DPYSL3: variants seen among roughly 807,000 people sequenced by gnomAD.
DPYSL3 encodes the protein dihydropyrimidinase like 3, also known as dihydropyrimidinase-related protein 3.
DPYSL3 carries 16 observed loss-of-function variants against 66.1 expected under a neutral mutation model. The observed-to-expected ratio is 0.24, with a 90% CI of 0.16 to 0.37. The LOEUF is 0.37. Ranked by LOEUF, DPYSL3 falls within the 10% of genes least tolerant of loss-of-function variation. The pLI is 1.00. For synonymous variants in DPYSL3, 338 were observed against 345.1 expected, an observed-to-expected ratio of 0.98 and a Z score of 0.23; for missense variants, 738 against 916.2, an observed-to-expected ratio of 0.81 and a Z score of 2.51.
At chr5:147,456,734 G>A (rs1264338509) in intron 1 of DPYSL3, among the ~76,000 whole-genome samples, 1 of 151,718 alleles carries the variant, frequency 6.6e-6, no homozygotes, top group Non-Finnish European at 1.5e-5. Context: ...GGCATTACAG[G>A]TGTCTGCCAC....
At chr5:147,499,782 C>T (rs557583587) in intron 1 of DPYSL3, among the ~76,000 whole-genome samples, 132 of 152,260 alleles carry the variant, frequency 8.7e-4, no homozygotes, top group Non-Finnish European at 1.5e-4. Flanking sequence ...AGAGGACTGA[C>T]AGTACCAACT....
chr5:147,487,976 A>C (rs1753361264), intron 1 of DPYSL3, among the ~76,000 whole-genome samples: 1 of 152,188 alleles, frequency 6.6e-6, no homozygotes, highest in South Asian at 2.1e-4. Context: ...GTGTCTCTGG[A>C]TATAGTCTTC....
At chr5:147,415,002 A>G (rs1254656543) in intron 4 of DPYSL3, among the ~76,000 whole-genome samples, 2 of 152,150 alleles carry the variant, frequency 1.3e-5, no homozygotes, top group Non-Finnish European at 2.9e-5. Context: ...TGCTGAGCAC[A>G]TTGTGCATAT....
chr5:147,501,478 ATTTTTTTTTTTTT>A (rs749216433), intron 1 of DPYSL3, among the ~76,000 whole-genome samples: 3 of 91,082 alleles, frequency 3.3e-5, no homozygotes, highest in Non-Finnish European at 2.0e-5. Flanking sequence ...GGTGATAATG[ATTTTTTTTTTTTT>A]TTTTTTTTTT....
At chr5:147,490,064 A>G (rs1347474968) in intron 1 of DPYSL3, among the ~76,000 whole-genome samples, 1 of 152,034 alleles carries the variant, frequency 6.6e-6, no homozygotes, top group Non-Finnish European at 1.5e-5. Context: ...TGGCCCCTGC[A>G]CCCCATCTAC....
chr5:147,489,725 CCTTTT>C (rs558392957), intron 1 of DPYSL3, among the ~76,000 whole-genome samples: 173 of 146,956 alleles, frequency 1.2e-3, no homozygotes, highest in African/African-American at 4.2e-3. Context: ...AGCGTTCTTT[CCTTTT>C]ATGTTTTTTT....
intron 11 of DPYSL3, among the ~76,000 whole-genome samples, chr5:147,398,087 A>G (rs1324416129): frequency 6.6e-6 from 1 of 152,168 alleles, no homozygotes; most frequent in Non-Finnish European, 1.5e-5. Flanking sequence ...GTGGAAGTCA[A>G]CTTTTGTCTT....
intron 1 of DPYSL3, among the ~76,000 whole-genome samples, chr5:147,481,531 C>G (rs966905284): frequency 2.5e-4 from 38 of 152,190 alleles, no homozygotes; most frequent in African/African-American, 8.7e-4. Context: ...CCTCCCAAGT[C>G]TCACAGGGAT....
At chr5:147,464,206 T>G (rs1488274585) in intron 1 of DPYSL3, among the ~76,000 whole-genome samples, 1 of 152,192 alleles carries the variant, frequency 6.6e-6, no homozygotes, top group Non-Finnish European at 1.5e-5. Flanking sequence ...CAGGGTGCAC[T>G]GGACATTTTA....
intron 1 of DPYSL3, among the ~76,000 whole-genome samples, chr5:147,428,639 A>T (rs529616067): frequency 2.1e-4 from 32 of 152,286 alleles, no homozygotes; most frequent in African/African-American, 7.2e-4. Flanking sequence ...AACAAACCCA[A>T]CATCTCTGAT....
At chr5:147,495,026 A>C (rs1045681126) in intron 1 of DPYSL3, among the ~76,000 whole-genome samples, 2 of 152,286 alleles carry the variant, frequency 1.3e-5, no homozygotes, top group Admixed American at 1.3e-4. Flanking sequence ...AAATTTGAAT[A>C]GGTAAGCCTG....
At chr5:147,488,647 T>C (rs1027356520) in intron 1 of DPYSL3, among the ~76,000 whole-genome samples, 3 of 151,980 alleles carry the variant, frequency 2.0e-5, no homozygotes, top group Non-Finnish European at 4.4e-5. Context: ...GCCCAGGAAG[T>C]TGAGGCTGCA....
intron 13 of DPYSL3, 44 bp downstream of exon 13, chr5:147,395,515 C>T: frequency 6.4e-7 from 1 of 1,569,934 alleles, no homozygotes; most frequent in Non-Finnish European, 8.6e-7. Flanking sequence ...ATTGATCTTC[C>T]CCTTCCCCCT....
chr5:147,490,868 T>C (rs913714078), intron 1 of DPYSL3, among the ~76,000 whole-genome samples: 1 of 152,184 alleles, frequency 6.6e-6, no homozygotes, highest in African/African-American at 2.4e-5. Context: ...GATGCAGTCA[T>C]GGCAGCAGCA....
intron 1 of DPYSL3, among the ~76,000 whole-genome samples, chr5:147,459,303 A>C (rs1425816538): frequency 6.6e-6 from 1 of 152,206 alleles, no homozygotes; most frequent in Non-Finnish European, 1.5e-5. Flanking sequence ...TTCAGAAAAA[A>C]AAGTTCTAAA....
chr5:147,422,001 A>T (rs1373917225), intron 2 of DPYSL3, among the ~76,000 whole-genome samples: 1 of 152,200 alleles, frequency 6.6e-6, no homozygotes, highest in Non-Finnish European at 1.5e-5. Flanking sequence ...AAGCCAAAAT[A>T]GACAAACAGG....
chr5:147,400,885 C>T (rs1188995931), intron 9 of DPYSL3, 52 bp from the exon 10 acceptor site: 4 of 1,590,798 alleles, frequency 2.5e-6, no homozygotes, highest in Middle Eastern at 1.7e-4. Flanking sequence ...TGGAGGCACA[C>T]TGGGAGCTTA....
At chr5:147,405,798 C>A (rs142579829) in intron 7 of DPYSL3, 68 bp from the exon 8 acceptor site, 14 of 1,555,986 alleles carry the variant, frequency 9.0e-6, no homozygotes, top group Admixed American at 5.8e-5. Context: ...CCCACCTCCA[C>A]GAACTGTGAG....
At chr5:147,424,029 G>A (rs559585675) in intron 2 of DPYSL3, among the ~76,000 whole-genome samples, 15 of 152,238 alleles carry the variant, frequency 9.9e-5, no homozygotes, top group Admixed American at 2.0e-4. Flanking sequence ...CCGGCCGACC[G>A]CAAGCTGTTT....
Sources: gnomAD v4.1 joint callset for allele counts (sites outside exome capture counted in the v4.1 genomes callset) on GRCh38, gnomAD v4.1.1 for gene constraint, MANE v1.5 for transcripts, NCBI Gene and HGNC (gene_info 2026-07-23, HGNC 2026-07-21) for gene names.